The following ARHGAP8 variants were observed in gnomAD, a reference collection of about 807,000 sequenced individuals.
The protein encoded by ARHGAP8 is Rho GTPase activating protein 8, also known as rho GTPase-activating protein 8.
A neutral mutation model predicts 46.1 loss-of-function variants in ARHGAP8; 62 were observed. The ratio of observed to expected loss-of-function variants is 1.34; its 90% CI spans 1.10 to 1.66. The LOEUF is 1.66. Ranked by LOEUF, ARHGAP8 falls within the 40% of genes most tolerant of loss-of-function variation. The pLI, the probability that ARHGAP8 is intolerant of heterozygous loss-of-function variation, is 0.00. For missense variants in ARHGAP8, 923 were observed against 568.4 expected (o/e 1.62, Z -6.34); for synonymous variants, 375 against 243.1 (o/e 1.54, Z -5.05).
chr22:44,826,783 C>T lies in ARHGAP8; in HGVS notation c.596+1190C>T, dbSNP rs181991771. On this transcript the variant is annotated intron_variant, in intron 7 of 11. Coordinates refer to ENST00000356099, the MANE Select transcript of ARHGAP8 (RefSeq NM_181335.3). ...TTTTGAGAACTGAGGAGGCTCTGGG[C>T]GGCATCTGGGCCAGGGGAGGAGGTG... Among the ~76,000 whole-genome samples the T allele has an allele frequency of 2.6e-3, 391 of 152,244 alleles. 3 individuals are homozygous for T. The highest frequency in any genetic ancestry group is 3.9e-3 in the Admixed American group (60 of 15,298).
In ARHGAP8 at chr22:44,859,844, GA is replaced by G. The variant is rs1569186948; in HGVS notation, c.981+12del. The stretch of plus-strand genomic sequence containing the variant: ...GGGCTTCCTGCATGCGGTGAGTGGG[GA>G]AGGGGGGAGCTTGGGGTGAAGCCCA... On this transcript the variant is annotated intron_variant, in intron 11 of 11. Coordinates refer to ENST00000356099, the MANE Select transcript of ARHGAP8 (RefSeq NM_181335.3). 1 of 1,612,554 alleles carries G rather than the reference GA, an allele frequency of 6.2e-7. No homozygotes were observed. The highest frequency in any genetic ancestry group is 1.7e-5 in the Admixed American group (1 of 59,986).
At chr22:44,774,645 C>T (rs1459099809) in intron 1 of ARHGAP8, among the ~76,000 whole-genome samples, 3 of 151,408 alleles carry the variant, frequency 2.0e-5, no homozygotes, top group South Asian at 4.2e-4. Flanking sequence ...GCCTCAGCCT[C>T]CTAAGTAGCT....
chr22:44,793,764 T>C (rs1165814876), intron 2 of ARHGAP8, among the ~76,000 whole-genome samples: 1 of 152,236 alleles, frequency 6.6e-6, no homozygotes, highest in Non-Finnish European at 1.5e-5. Context: ...TGAATTCATC[T>C]GATGCCTTGC....
intron 10 of ARHGAP8, among the ~76,000 whole-genome samples, chr22:44,857,492 G>A (rs1039810185): frequency 1.3e-5 from 2 of 152,168 alleles, no homozygotes; most frequent in South Asian, 4.1e-4. Context: ...CATGACATGG[G>A]TACCTTCGTA....
At chr22:44,861,454 T>G (rs59427968) in intron 11 of ARHGAP8, among the ~76,000 whole-genome samples, 61,846 of 152,080 alleles carry the variant, frequency 0.41, 12,855 homozygotes, top group East Asian at 0.56. Flanking sequence ...GCAACGGGCT[T>G]GGGGGACCGG....
At chr22:44,760,966 C>T (rs1212248453) in intron 1 of ARHGAP8, among the ~76,000 whole-genome samples, 3 of 152,168 alleles carry the variant, frequency 2.0e-5, no homozygotes, top group Non-Finnish European at 4.4e-5. Flanking sequence ...CAGGGCGAGG[C>T]AGGCTTTGGG....
Position 44,818,352 on chromosome 22 carries a change from C to T in ARHGAP8, c.386+3594C>T, listed in dbSNP as rs571307947. On this transcript the variant is annotated intron_variant, in intron 5 of 11. Coordinates refer to ENST00000356099, the MANE Select transcript of ARHGAP8 (RefSeq NM_181335.3). ...TAATCTCAGCTACTTGGGAGGCTGA[C>T]GCAGGAGAATCACTTGAATCCAGGA... is the stretch of plus-strand genomic sequence containing the variant. Among the ~76,000 whole-genome samples the T allele has an allele frequency of 8.0e-5, 12 of 150,536 alleles. No homozygotes were observed. The South Asian group carries it at 1.3e-3, about 16-fold the overall frequency.
chr22:44,827,571 G>A (rs1930627798), intron 7 of ARHGAP8, among the ~76,000 whole-genome samples: 1 of 152,000 alleles, frequency 6.6e-6, no homozygotes, highest in Non-Finnish European at 1.5e-5. Context: ...TTGAACTCCT[G>A]ACCTCAGGTG....
chr22:44,822,539 C>T (rs1221118421), intron 6 of ARHGAP8, 70 bp downstream of exon 6: 43 of 1,346,316 alleles, frequency 3.2e-5, no homozygotes, highest in Non-Finnish European at 6.0e-6. Flanking sequence ...TGGTTCAGTC[C>T]CATGAATGTT....
At chr22:44,807,680 G>C (rs1929030074) in intron 3 of ARHGAP8, among the ~76,000 whole-genome samples, 1 of 152,210 alleles carries the variant, frequency 6.6e-6, no homozygotes, top group Admixed American at 6.5e-5. Flanking sequence ...AACCAGAAAT[G>C]TATTCTCTCA....
chr22:44,839,866 C>G (rs989501610), intron 7 of ARHGAP8, among the ~76,000 whole-genome samples: 39 of 152,340 alleles, frequency 2.6e-4, no homozygotes, highest in Middle Eastern at 3.4e-3. Context: ...GGAATTTGAG[C>G]AGAACTCGGC....
At chr22:44,852,065 C>T (rs1246917213) in intron 10 of ARHGAP8, among the ~76,000 whole-genome samples, 2 of 151,594 alleles carry the variant, frequency 1.3e-5, no homozygotes, top group African/African-American at 4.9e-5. Context: ...GTGGTGGACA[C>T]CTGTAATCCT....
At chr22:44,753,754 C>T (rs1476024016) in intron 1 of ARHGAP8, among the ~76,000 whole-genome samples, 1 of 152,018 alleles carries the variant, frequency 6.6e-6, no homozygotes, top group Non-Finnish European at 1.5e-5. Context: ...GATTGTTTGG[C>T]GGGATGGGGA....
intron 10 of ARHGAP8, among the ~76,000 whole-genome samples, chr22:44,851,474 T>C (rs1008911061): frequency 6.6e-6 from 1 of 152,162 alleles, no homozygotes; most frequent in Non-Finnish European, 1.5e-5. Context: ...TGCCGTGGCA[T>C]AATCTCGGCA....
chr22:44,760,136 A>C (rs1184063639), intron 1 of ARHGAP8, among the ~76,000 whole-genome samples: 4 of 152,186 alleles, frequency 2.6e-5, no homozygotes, highest in Non-Finnish European at 2.9e-5. Flanking sequence ...CGGGGGTCTC[A>C]TGTATCTGCT....
chr22:44,839,028 A>G (rs1602248452), intron 7 of ARHGAP8, among the ~76,000 whole-genome samples: 1 of 152,042 alleles, frequency 6.6e-6, no homozygotes, highest in Non-Finnish European at 1.5e-5. Context: ...CTCCTACGGG[A>G]AGGGAGGGAC....
chr22:44,762,534 T>G (rs132455), intron 1 of ARHGAP8, among the ~76,000 whole-genome samples: 21 of 140,196 alleles, frequency 1.5e-4, no homozygotes, highest in East Asian at 2.1e-4. Flanking sequence ...TTATGAACTC[T>G]CTCTCTCTCT....
chr22:44,779,388 A>G (rs548166680), intron 1 of ARHGAP8, among the ~76,000 whole-genome samples: 1 of 151,728 alleles, frequency 6.6e-6, no homozygotes, highest in African/African-American at 2.4e-5. Context: ...AGCATGAGCT[A>G]CTGCGCCCGG....
intron 7 of ARHGAP8, among the ~76,000 whole-genome samples, chr22:44,840,328 G>T (rs557383867): frequency 6.6e-6 from 1 of 152,146 alleles, no homozygotes; most frequent in Non-Finnish European, 1.5e-5. Context: ...GTTCTGGGGG[G>T]TATCTGTTTC....
Sources: allele counts gnomAD v4.1 joint callset (sites outside exome capture counted in the v4.1 genomes callset), GRCh38; gene constraint gnomAD v4.1.1; transcripts MANE v1.5; gene names NCBI Gene and HGNC (gene_info 2026-07-23, HGNC 2026-07-21).